GPAM: variants seen among roughly 807,000 people sequenced by gnomAD.
GPAM encodes the protein glycerol-3-phosphate acyltransferase, mitochondrial, also known as glycerol-3-phosphate acyltransferase 1, mitochondrial.
A neutral mutation model predicts 105.0 loss-of-function variants in GPAM; 56 were observed. The observed-to-expected ratio is 0.53, with a 90% CI of 0.43 to 0.67. GPAM has a LOEUF of 0.67. Ranked by LOEUF, GPAM falls within the 30% of genes least tolerant of loss-of-function variation. The probability of loss-of-function intolerance (pLI) is 0.00; values close to 1 mark genes in which losing one functional copy is unlikely to be tolerated. For synonymous variants in GPAM, 368 were observed against 354.4 expected (o/e 1.04, Z -0.43); for missense variants, 855 against 989.8 (o/e 0.86, Z 1.83).
chr10:112,212,463 C>A (rs1847922627), intron 1 of GPAM, among the ~76,000 whole-genome samples: 1 of 152,078 alleles, frequency 6.6e-6, no homozygotes, highest in African/African-American at 2.4e-5. Context: ...CGGGATTTCA[C>A]CATGTTAGCC....
At chr10:112,177,418 G>A (rs539311364) in intron 5 of GPAM, among the ~76,000 whole-genome samples, 18 of 152,150 alleles carry the variant, frequency 1.2e-4, no homozygotes, top group Admixed American at 7.8e-4. Flanking sequence ...ACAACCTTTC[G>A]ACCCTCCTTC....
At chr10:112,219,390 G>A (rs1847999434), upstream of GPAM, among the ~76,000 whole-genome samples, 1 of 152,204 alleles carries the variant, frequency 6.6e-6, no homozygotes, top group South Asian at 2.1e-4. Context: ...GGAAAGGACA[G>A]CAGGGATGTG....
chr10:112,209,363 T>C (rs1301420634), intron 1 of GPAM, among the ~76,000 whole-genome samples: 1 of 151,820 alleles, frequency 6.6e-6, no homozygotes, highest in Non-Finnish European at 1.5e-5. Context: ...GTGCGTGTTG[T>C]TCTGTCTGGG....
In GPAM at chr10:112,182,900, ATGAAG is replaced by A. The variant is rs1165057505; in HGVS notation, c.-127-14_-127-10del. ...AGGGGAGCCGCTGCTGCCTGAGAAA[ATGAAG>A]TGAAGAGAGGATGAGGAGAGGACAA... On this transcript the variant is annotated splice_polypyrimidine_tract_variant and intron_variant, in intron 1 of 21. Transcript: ENST00000348367. The A allele has an allele frequency of 6.6e-6, 1 of 152,228 alleles. No individual in the cohort carries two copies. Among genetic ancestry groups the A allele is most frequent in the Non-Finnish European group, 1.5e-5 (1 of 68,058 alleles). The allele number at this position is 152,228 out of a possible 1,614,324, so 9.4% of individuals were successfully genotyped here. A position where few individuals can be genotyped will look rare whatever the true frequency, so the allele number is the denominator to read the frequency against.
At chr10:112,180,330 CA>C in intron 4 of GPAM, 142 bp downstream of exon 4, 2 of 757,026 alleles carry the variant, frequency 2.6e-6, no homozygotes, top group Non-Finnish European at 4.5e-6. Context: ...AAAAGTGTGT[CA>C]ACATCTTTAC....
At chr10:112,153,819 G>T in intron 21 of GPAM, 153 bp from the exon 22 acceptor site, 2 of 742,578 alleles carry the variant, frequency 2.7e-6, no homozygotes, top group South Asian at 3.5e-5. Context: ...GCCTGGGTGT[G>T]TGTGAGCATG....
At position 112,154,560 on chromosome 10, in the gene GPAM, TCAAA is replaced by T. The variant is rs145094728; in HGVS notation, c.2370+65_2370+68del. On this transcript the variant is annotated intron_variant, in intron 21 of 21. Coordinates refer to ENST00000348367, the MANE Select transcript of GPAM (RefSeq NM_001244949.2). ...GGGTCCACCCCACCACAAAGGTAGC[TCAAA>T]CAGACTAGATCTAAAGAGAACAGAA... 15 of 1,153,788 alleles carry T rather than the reference TCAAA, an allele frequency of 1.3e-5. No individual in the cohort carries two copies. The African/African-American group carries it at 2.0e-4, about 15-fold the overall frequency. 71.5% of individuals were successfully genotyped at this position (1,153,788 alleles called of 1,614,324 possible).
intron 1 of GPAM, among the ~76,000 whole-genome samples, chr10:112,213,194 A>T (rs1179584802): frequency 6.6e-6 from 1 of 152,164 alleles, no homozygotes; most frequent in East Asian, 1.9e-4. Context: ...TCATTCATTC[A>T]TTTCTCACTG....
chr10:112,165,944 T>C (rs1487863095), intron 12 of GPAM, among the ~76,000 whole-genome samples: 1 of 152,172 alleles, frequency 6.6e-6, no homozygotes, highest in East Asian at 1.9e-4. Flanking sequence ...CTATATACAA[T>C]GTGTAATGAT....
upstream of GPAM, among the ~76,000 whole-genome samples, chr10:112,184,183 T>C (rs897732231): frequency 6.6e-6 from 1 of 152,164 alleles, no homozygotes; most frequent in African/African-American, 2.4e-5. Context: ...TCTACCAAAG[T>C]GGCTGAGTGC....
rs752761962 is a variant in GPAM, at chr10:112,158,307, A to G, written c.1980+9T>C. The G allele has an allele frequency of 1.4e-6, 2 of 1,465,350 alleles. No individual in the cohort carries two copies. The highest frequency in any genetic ancestry group is 2.3e-5 in the South Asian group (2 of 88,160). The allele number at this position is 1,465,350 out of a possible 1,614,324, so 90.8% of individuals were successfully genotyped here. On this transcript the variant is annotated intron_variant, in intron 18 of 21. Transcript: ENST00000348367. The stretch of plus-strand genomic sequence containing the variant: ...ATAAAGACAAATAAAGGAAAGCTCT[A>G]CCTCTTACCTCTGCCACTGTAAGAA...
upstream of GPAM, among the ~76,000 whole-genome samples, chr10:112,187,942 A>G (rs560600647): frequency 1.4e-4 from 22 of 152,194 alleles, no homozygotes; most frequent in Non-Finnish European, 2.4e-4. Context: ...ACTTTTAAAA[A>G]ATCATGCTGT....
chr10:112,183,652 A>C (rs949094692), intron 1 of GPAM, 41 bp downstream of exon 1: 14 of 152,820 alleles, frequency 9.2e-5, no homozygotes, highest in African/African-American at 3.4e-4. Flanking sequence ...TCCCGGCCCG[A>C]GTAGCCTCCC....
chr10:112,212,595 T>G (rs993644844), intron 1 of GPAM, among the ~76,000 whole-genome samples: 2 of 152,092 alleles, frequency 1.3e-5, no homozygotes, highest in Admixed American at 6.6e-5. Flanking sequence ...AAACCAGTCA[T>G]CAGGATGCAG....
chr10:112,218,363 G>A (rs997897091), upstream of GPAM, among the ~76,000 whole-genome samples: 7 of 152,202 alleles, frequency 4.6e-5, no homozygotes, highest in Non-Finnish European at 1.0e-4. Context: ...GAGAGATGGA[G>A]AGGACTTCAC....
chr10:112,195,366 G>A (rs528738796), intron 1 of GPAM, among the ~76,000 whole-genome samples: 12 of 152,166 alleles, frequency 7.9e-5, no homozygotes, highest in South Asian at 2.1e-4. Context: ...CCCCATCTCC[G>A]TCCACGTACT....
intron 20 of GPAM, chr10:112,155,093 G>A (rs1206087283): frequency 4.8e-6 from 1 of 208,838 alleles, no homozygotes; most frequent in East Asian, 1.3e-4. Context: ...ACCAGAGAAA[G>A]CACAGGCCTC....
chr10:112,173,200 G>A, intron 7 of GPAM, 134 bp from the exon 8 acceptor site: 1 of 702,458 alleles, frequency 1.4e-6, no homozygotes, highest in Non-Finnish European at 2.6e-6. Flanking sequence ...ATGACTTAGT[G>A]TGTGTGCACA....
intron 1 of GPAM, among the ~76,000 whole-genome samples, chr10:112,201,293 A>C (rs141621655): frequency 6.6e-6 from 1 of 152,316 alleles, no homozygotes; most frequent in African/African-American, 2.4e-5. Flanking sequence ...GAGACCAAAG[A>C]GGATGGATGA....
Sources: gnomAD v4.1 joint callset for allele counts (sites outside exome capture counted in the v4.1 genomes callset) on GRCh38, gnomAD v4.1.1 for gene constraint, MANE v1.5 for transcripts, NCBI Gene and HGNC (gene_info 2026-07-23, HGNC 2026-07-21) for gene names.